Variants in EYS observed in about 807,000 individuals in gnomAD.
The protein encoded by EYS is EGF-like photoreceptor maintenance factor.
Under a neutral mutation model 282.1 loss-of-function variants are expected in EYS, and 250 were observed. That is an observed-to-expected ratio of 0.89 (90% CI 0.80 to 0.98). EYS has a LOEUF of 0.98. Ranked by LOEUF, EYS falls within the 50% of genes least tolerant of loss-of-function variation. The probability of loss-of-function intolerance (pLI) is 0.00; values close to 1 mark genes in which losing one functional copy is unlikely to be tolerated. For missense variants in EYS, 4,016 were observed against 3,709.0 expected (o/e 1.08, Z -2.15); for synonymous variants, 1,355 against 1,282.9 (o/e 1.06, Z -1.20).
intron 33 of EYS, among the ~76,000 whole-genome samples, chr6:64,004,641 G>A (rs950270195): frequency 2.6e-5 from 4 of 152,040 alleles, no homozygotes; most frequent in Non-Finnish European, 5.9e-5. Context: ...TCCAGTGTCC[G>A]TTGTTGCCTT....
At chr6:65,066,907 T>C (rs1002623466) in intron 12 of EYS, among the ~76,000 whole-genome samples, 1 of 152,200 alleles carries the variant, frequency 6.6e-6, no homozygotes, top group African/African-American at 2.4e-5. Flanking sequence ...ACTGGTCATT[T>C]AAATGTGATA....
intron 14 of EYS, among the ~76,000 whole-genome samples, chr6:64,969,568 T>C (rs955137020): frequency 2.7e-4 from 41 of 152,068 alleles, no homozygotes; most frequent in Admixed American, 1.3e-4. Context: ...AGGACTTACT[T>C]CTAAGGACAG....
chr6:65,055,193 C>T (rs990826413), intron 13 of EYS, among the ~76,000 whole-genome samples: 4 of 151,912 alleles, frequency 2.6e-5, no homozygotes, highest in African/African-American at 4.8e-5. Flanking sequence ...ATGTTGGCCA[C>T]GCTGGTCTAG....
At chr6:64,935,024 C>A (rs1026358518) in intron 15 of EYS, among the ~76,000 whole-genome samples, 1 of 151,528 alleles carries the variant, frequency 6.6e-6, no homozygotes, top group Admixed American at 6.6e-5. Context: ...AAAAGGGGAG[C>A]AATGGTGGAG....
intron 2 of EYS, among the ~76,000 whole-genome samples, chr6:65,619,161 G>C (rs565571002): frequency 6.6e-6 from 1 of 151,596 alleles, no homozygotes; most frequent in African/African-American, 2.4e-5. Flanking sequence ...CCATTTTCAC[G>C]ATATTGATTC....
intron 15 of EYS, among the ~76,000 whole-genome samples, chr6:64,926,797 G>A (rs1768531992): frequency 6.6e-6 from 1 of 152,124 alleles, no homozygotes; most frequent in African/African-American, 2.4e-5. Context: ...TGAAAGAAAG[G>A]TGTTTAAAAA....
intron 12 of EYS, among the ~76,000 whole-genome samples, chr6:65,178,740 G>A (rs530974994): frequency 2.0e-4 from 31 of 151,952 alleles, no homozygotes; most frequent in African/African-American, 7.0e-4. Flanking sequence ...CTCTCCACCC[G>A]AAATCAACAG....
At chr6:65,123,422 A>G (rs1412097690) in intron 12 of EYS, among the ~76,000 whole-genome samples, 2 of 152,142 alleles carry the variant, frequency 1.3e-5, no homozygotes, top group African/African-American at 4.8e-5. Flanking sequence ...AATTAAATAT[A>G]ATTAATTGAA....
intron 7 of EYS, among the ~76,000 whole-genome samples, chr6:65,388,576 T>C (rs1034688443): frequency 2.0e-5 from 3 of 151,870 alleles, no homozygotes; most frequent in African/African-American, 7.3e-5. Flanking sequence ...ATACCAAGGA[T>C]TGAAGCAAGA....
intron 12 of EYS, among the ~76,000 whole-genome samples, chr6:65,199,953 T>C (rs1035751094): frequency 2.0e-5 from 3 of 152,006 alleles, no homozygotes; most frequent in African/African-American, 7.3e-5. Context: ...AAATCATGGA[T>C]GAGTATAAAC....
intron 26 of EYS, among the ~76,000 whole-genome samples, chr6:64,581,811 T>G (rs1283613743): frequency 6.6e-6 from 1 of 152,062 alleles, no homozygotes; most frequent in Non-Finnish European, 1.5e-5. Context: ...TCTAAGGGCT[T>G]CACGAAGGGC....
chr6:64,343,581 A>G (rs2150398234), intron 29 of EYS, among the ~76,000 whole-genome samples: 1 of 152,268 alleles, frequency 6.6e-6, no homozygotes, highest in African/African-American at 2.4e-5. Flanking sequence ...AATTTATACC[A>G]CTAAATGCCC....
chr6:64,976,887 C>T (rs896481928), intron 14 of EYS, among the ~76,000 whole-genome samples: 3 of 151,398 alleles, frequency 2.0e-5, no homozygotes, highest in African/African-American at 7.3e-5. Context: ...CTTATCAGTA[C>T]TATTATTTTT....
chr6:64,426,078 G>A (rs746253574), intron 28 of EYS, among the ~76,000 whole-genome samples: 7 of 151,994 alleles, frequency 4.6e-5, no homozygotes, highest in Admixed American at 1.3e-4. Flanking sequence ...ATTGGTCACC[G>A]AGATAGGAGA....
Position 64,591,895 on chromosome 6 carries a change from G to A in EYS, c.3972C>T (p.Leu1324=), listed in dbSNP as rs202130794. Residue 1324 remains leucine, a synonymous_variant, in exon 26 of 43, where the codon CTC becomes CTT. Coordinates refer to ENST00000503581, the MANE Select transcript of EYS (RefSeq NM_001142800.2). The stretch of plus-strand genomic sequence containing the variant: ...GCTCTCTAGTGACAATCAGTTCTTG[G>A]AGTAAGTAGCTTTCCAAGGGTGTGC... ...RISTPLESYL[L]QELIVTRELS... The A allele has an allele frequency of 3.7e-5, 57 of 1,550,556 alleles. No individual in the cohort carries two copies. In the East Asian group the frequency reaches 1.4e-3, roughly 38 times the overall value.
intron 2 of EYS, among the ~76,000 whole-genome samples, chr6:65,607,476 CCTT>C (rs1246961505): frequency 7.3e-5 from 11 of 151,694 alleles, no homozygotes; most frequent in Non-Finnish European, 2.9e-5. Context: ...TTTCCTCACG[CCTT>C]CTATTTATTT....
At chr6:64,644,887 G>A (rs1354974012) in intron 22 of EYS, among the ~76,000 whole-genome samples, 2 of 152,236 alleles carry the variant, frequency 1.3e-5, no homozygotes, top group African/African-American at 2.4e-5. Flanking sequence ...CTGGATGGGA[G>A]AAATTTCTAT....
At chr6:65,116,049 G>A (rs569599597) in intron 12 of EYS, among the ~76,000 whole-genome samples, 2 of 151,766 alleles carry the variant, frequency 1.3e-5, no homozygotes, top group South Asian at 4.2e-4. Context: ...ATGCTGGCTT[G>A]ACATCTAAAA....
intron 12 of EYS, among the ~76,000 whole-genome samples, chr6:65,071,431 GA>G (rs938784994): frequency 6.6e-6 from 1 of 151,536 alleles, no homozygotes; most frequent in Admixed American, 6.6e-5. Context: ...TGGAATTCTG[GA>G]AAAAATAATG....
Sources: allele counts gnomAD v4.1 joint callset (sites outside exome capture counted in the v4.1 genomes callset), GRCh38; gene constraint gnomAD v4.1.1; transcripts MANE v1.5; gene names NCBI Gene and HGNC (gene_info 2026-07-23, HGNC 2026-07-21).